The following BCL2 variants were observed in gnomAD, a reference collection of about 807,000 sequenced individuals.
The protein encoded by BCL2 is apoptosis regulator Bcl-2.
A neutral mutation model predicts 14.2 loss-of-function variants in BCL2; 1 was observed. The observed-to-expected ratio is 0.07, with a 90% CI of 0.02 to 0.33. BCL2 has a LOEUF of 0.33. BCL2 is among the 10% of genes least tolerant of loss of function. The pLI is 0.99. For synonymous variants in BCL2, 151 were observed against 137.2 expected (o/e 1.10, Z -0.70); for missense variants, 247 against 305.9 (o/e 0.81, Z 1.44).
chr18:63,172,177 G>A (rs1915237195), intron 2 of BCL2, among the ~76,000 whole-genome samples: 1 of 151,954 alleles, frequency 6.6e-6, no homozygotes, highest in African/African-American at 2.4e-5. Context: ...TAAAAACACA[G>A]TGAATGAACA....
intron 2 of BCL2, among the ~76,000 whole-genome samples, chr18:63,251,122 A>G (rs1911298642): frequency 6.7e-6 from 1 of 149,214 alleles, no homozygotes; most frequent in Non-Finnish European, 1.5e-5. Context: ...AAGAAGGGTC[A>G]CACGGTTGAA....
At chr18:63,208,180 C>G (rs1192614504) in intron 2 of BCL2, 1 of 152,156 alleles carries the variant, frequency 6.6e-6, no homozygotes. Flanking sequence ...TTCTGTGCTT[C>G]CCATATGATT....
At chr18:63,239,050 A>G (rs952889882) in intron 2 of BCL2, among the ~76,000 whole-genome samples, 4 of 152,212 alleles carry the variant, frequency 2.6e-5, no homozygotes, top group Admixed American at 2.6e-4. Flanking sequence ...GGTGCTTCCT[A>G]TAACATTTAA....
At chr18:63,211,063 CTTTTTTTTTTTTTT>C (rs59302545) in intron 2 of BCL2, among the ~76,000 whole-genome samples, 2 of 59,142 alleles carry the variant, frequency 3.4e-5, no homozygotes, top group African/African-American at 1.4e-4. Flanking sequence ...CTTTTCATTT[CTTTTTTTTTTTTTT>C]TTTTTTTTTT....
chr18:63,307,149 A>G (rs1023312493), intron 2 of BCL2, among the ~76,000 whole-genome samples: 4 of 152,342 alleles, frequency 2.6e-5, no homozygotes, highest in Admixed American at 2.0e-4. Flanking sequence ...ATCCTTTGCC[A>G]TAACAATGAG....
chr18:63,263,258 A>G (rs1311364396), intron 2 of BCL2, among the ~76,000 whole-genome samples: 1 of 152,236 alleles, frequency 6.6e-6, no homozygotes, highest in Non-Finnish European at 1.5e-5. Context: ...ACGGGAACTC[A>G]GGAACCTCAA....
chr18:63,235,664 C>A (rs1184781894), intron 2 of BCL2, among the ~76,000 whole-genome samples: 1 of 150,994 alleles, frequency 6.6e-6, no homozygotes, highest in Non-Finnish European at 1.5e-5. Context: ...AAGGAAAAAG[C>A]GGGTGGAAAT....
chr18:63,288,871 G>A (rs1035537562), intron 2 of BCL2, among the ~76,000 whole-genome samples: 2 of 152,174 alleles, frequency 1.3e-5, no homozygotes, highest in Non-Finnish European at 2.9e-5. Context: ...GTGAGTCTAA[G>A]GAAGAATCTA....
chr18:63,247,714 G>A (rs1327104915), intron 2 of BCL2, among the ~76,000 whole-genome samples: 2 of 152,074 alleles, frequency 1.3e-5, no homozygotes, highest in Admixed American at 1.3e-4. Flanking sequence ...GGTCATGAGA[G>A]GTCAGGAGTG....
chr18:63,258,700 C>G (rs1237213378), intron 2 of BCL2, among the ~76,000 whole-genome samples: 4 of 152,308 alleles, frequency 2.6e-5, no homozygotes, highest in African/African-American at 9.6e-5. Flanking sequence ...GGAGCAGAGC[C>G]GAGTTGGGAG....
At chr18:63,147,288 G>A (rs888929900) in intron 2 of BCL2, among the ~76,000 whole-genome samples, 12 of 152,228 alleles carry the variant, frequency 7.9e-5, no homozygotes, top group African/African-American at 2.7e-4. Flanking sequence ...TGACACTCAA[G>A]TGACATCACT....
intron 2 of BCL2, among the ~76,000 whole-genome samples, chr18:63,255,568 C>T (rs1911447038): frequency 1.3e-5 from 2 of 152,170 alleles, no homozygotes; most frequent in Non-Finnish European, 2.9e-5. Flanking sequence ...GTTCATTAGC[C>T]AGGATAAGAG....
In BCL2 at chr18:63,274,277, C is replaced by CTTTTT. The variant is rs74169950; in HGVS notation, c.585+43800_585+43804dup. Among the ~76,000 whole-genome samples, 606 of 86,724 alleles carry CTTTTT rather than the reference C, an allele frequency of 7.0e-3. 18 individuals are homozygous for CTTTTT. The highest frequency in any genetic ancestry group is 0.022 in the Middle Eastern group (2 of 92). 56.9% of individuals were successfully genotyped at this position (86,724 alleles called of 152,430 possible). A position where few individuals can be genotyped will look rare whatever the true frequency, so the allele number is the denominator to read the frequency against. ...GGAGTCAAGCTTTTATAAAGATACT[C>CTTTTT]TTTTTTTTTTTTTTTTTTTTTTTGA... On this transcript the variant is annotated intron_variant, in intron 2 of 2. Transcript: ENST00000333681.
At chr18:63,267,791 G>A (rs1911876477) in intron 2 of BCL2, among the ~76,000 whole-genome samples, 1 of 152,156 alleles carries the variant, frequency 6.6e-6, no homozygotes, top group Admixed American at 6.5e-5. Context: ...TTTGGAGAAG[G>A]TATGCTACCT....
chr18:63,289,441 T>A (rs1912577657), intron 2 of BCL2, among the ~76,000 whole-genome samples: 1 of 151,956 alleles, frequency 6.6e-6, no homozygotes, highest in Admixed American at 6.6e-5. Context: ...AGGAAAAAGA[T>A]CCCCAGAACA....
intron 2 of BCL2, among the ~76,000 whole-genome samples, chr18:63,152,118 G>A (rs1438639655): frequency 6.6e-6 from 1 of 152,198 alleles, no homozygotes; most frequent in African/African-American, 2.4e-5. Context: ...AAGCCAACCT[G>A]CAAAACACCT....
chr18:63,288,929 C>A (rs1308330738), intron 2 of BCL2, among the ~76,000 whole-genome samples: 3 of 152,056 alleles, frequency 2.0e-5, no homozygotes, highest in Non-Finnish European at 2.9e-5. Flanking sequence ...TGCTGATAAA[C>A]CTACATGCGT....
At chr18:63,161,000 C>G (rs967501833) in intron 2 of BCL2, among the ~76,000 whole-genome samples, 1 of 152,132 alleles carries the variant, frequency 6.6e-6, no homozygotes, top group African/African-American at 2.4e-5. Flanking sequence ...AAAAACAATT[C>G]AAAATGTCCC....
intron 2 of BCL2, among the ~76,000 whole-genome samples, chr18:63,276,893 T>C (rs1428496569): frequency 6.6e-6 from 1 of 152,224 alleles, no homozygotes; most frequent in East Asian, 1.9e-4. Flanking sequence ...GTATGGATGG[T>C]TTGTAATGAT....
Sources: allele counts gnomAD v4.1 joint callset (sites outside exome capture counted in the v4.1 genomes callset), GRCh38; gene constraint gnomAD v4.1.1; transcripts MANE v1.5; gene names NCBI Gene and HGNC (gene_info 2026-07-23, HGNC 2026-07-21).